The following DENND2B variants were observed in gnomAD, a reference collection of about 807,000 sequenced individuals.
The protein encoded by DENND2B is DENN domain-containing protein 2B.
Under a neutral mutation model 116.0 loss-of-function variants are expected in DENND2B, and 32 were observed. The observed-to-expected ratio is 0.28, with a 90% confidence interval of 0.21 to 0.37. The LOEUF (loss-of-function observed/expected upper bound fraction) is 0.37, where lower values mean the gene tolerates loss of function less well. Among genes scored for constraint, DENND2B ranks in the 10% least tolerant of loss-of-function variants. The probability of loss-of-function intolerance (pLI) is 1.00; values close to 1 mark genes in which losing one functional copy is unlikely to be tolerated. For missense variants in DENND2B, 1,276 were observed against 1,477.7 expected (o/e 0.86, Z 2.24); for synonymous variants, 588 against 583.9 (o/e 1.01, Z -0.10).
intron 2 of DENND2B, among the ~76,000 whole-genome samples, chr11:8,738,291 G>A (rs760482211): frequency 7.9e-5 from 12 of 152,292 alleles, no homozygotes; most frequent in Non-Finnish European, 1.5e-4. Context: ...TTTCTTGAGC[G>A]TCTCAGGACA....
chr11:8,751,793 T>G (rs1211150727), intron 1 of DENND2B, among the ~76,000 whole-genome samples: 1 of 152,214 alleles, frequency 6.6e-6, no homozygotes, highest in Non-Finnish European at 1.5e-5. Context: ...TTCCTTAAGT[T>G]AGAGTTTCCT....
intron 1 of DENND2B, among the ~76,000 whole-genome samples, chr11:8,797,180 A>C (rs2059889801): frequency 6.6e-6 from 1 of 152,232 alleles, no homozygotes; most frequent in South Asian, 2.1e-4. Context: ...CAACATCAAC[A>C]AATTAACTCA....
At chr11:8,789,536 T>C (rs923739408) in intron 1 of DENND2B, among the ~76,000 whole-genome samples, 1 of 152,212 alleles carries the variant, frequency 6.6e-6, no homozygotes, top group Non-Finnish European at 1.5e-5. Context: ...GCCTCTGATC[T>C]GCTGCATCAT....
upstream of DENND2B, among the ~76,000 whole-genome samples, chr11:8,814,457 C>T (rs1050948202): frequency 1.3e-5 from 2 of 152,086 alleles, no homozygotes; most frequent in Admixed American, 6.5e-5. Flanking sequence ...CATACAACTG[C>T]TTTTAGTTCC....
chr11:8,884,247 T>A (rs1327272586), intron 1 of DENND2B, among the ~76,000 whole-genome samples: 1 of 150,630 alleles, frequency 6.6e-6, no homozygotes, highest in Non-Finnish European at 1.5e-5. Flanking sequence ...ATGGGGTCAG[T>A]CCCTAAAAGG....
At position 8,707,075 on chromosome 11, in the gene DENND2B, A is replaced by G; in HGVS notation, c.2571+10T>C. 2 of 1,610,384 alleles carry G rather than the reference A, an allele frequency of 1.2e-6. No individual in the cohort carries two copies. Among genetic ancestry groups the G allele is most frequent in the Non-Finnish European group, 1.7e-6 (2 of 1,177,690 alleles). ...CGTAGCCCGAGAGAAGAGGGTGCAG[A>G]AATCCCTACCTCATTGCCAGCACCT... On this transcript the variant is annotated intron_variant, in intron 13 of 19. Coordinates refer to ENST00000313726, the MANE Select transcript of DENND2B (RefSeq NM_213618.2). This position sits in a 1 kb window ranked among gnomAD's most constrained non-coding sequence, Gnocchi z 4.8.
At position 8,712,123 on chromosome 11, in the gene DENND2B, C is replaced by T. The variant is rs749362256; in HGVS notation, c.2172+428G>A. 2.8e-5 allele frequency: 11 copies of T among 393,538 alleles called. No individual in the cohort carries two copies. Among genetic ancestry groups the T allele is most frequent in the East Asian group, 7.3e-5 (1 of 13,764 alleles). 24.4% of individuals were successfully genotyped at this position (393,538 alleles called of 1,614,324 possible). On this transcript the variant is annotated intron_variant, in intron 9 of 19. Transcript: ENST00000313726. The surrounding 1 kb of genome is among the most constrained non-coding windows in gnomAD (Gnocchi z 4.4). ...GCTGGCTGGCGACAAGCAGGGAAGG[C>T]GGAGTGAGAGACAGGCTGGTGGGAG...
At chr11:8,743,741 G>T (rs2134003588) in intron 2 of DENND2B, among the ~76,000 whole-genome samples, 1 of 151,710 alleles carries the variant, frequency 6.6e-6, no homozygotes, top group African/African-American at 2.4e-5. Flanking sequence ...GTGGAGAGGG[G>T]CTTATCTCTT....
intron 1 of DENND2B, among the ~76,000 whole-genome samples, chr11:8,791,336 A>T (rs2059357594): frequency 6.6e-6 from 1 of 152,242 alleles, no homozygotes; most frequent in Non-Finnish European, 1.5e-5. Flanking sequence ...CCAAACATTA[A>T]CAAAAGAAAT....
chr11:8,796,131 A>G (rs1164983525), intron 1 of DENND2B, among the ~76,000 whole-genome samples: 2 of 152,216 alleles, frequency 1.3e-5, no homozygotes, highest in Non-Finnish European at 2.9e-5. Context: ...GATTGGGCTG[A>G]CCACAGATCT....
intron 2 of DENND2B, among the ~76,000 whole-genome samples, chr11:8,749,408 T>G (rs1280980409): frequency 6.6e-6 from 1 of 152,224 alleles, no homozygotes; most frequent in African/African-American, 2.4e-5. Flanking sequence ...TGCAAGTGGA[T>G]AGTCAGTTTG....
intron 1 of DENND2B, among the ~76,000 whole-genome samples, chr11:8,760,374 T>C (rs899773275): frequency 4.6e-5 from 7 of 152,088 alleles, no homozygotes; most frequent in Non-Finnish European, 1.0e-4. Flanking sequence ...TCCCAGCACT[T>C]TGGGAGGCAG....
At chr11:8,804,547 C>CTTTTTTTTTTTTTTT (rs58169547) in intron 1 of DENND2B, among the ~76,000 whole-genome samples, 1 of 129,632 alleles carries the variant, frequency 7.7e-6, no homozygotes, top group African/African-American at 2.9e-5. Context: ...GCAGCTACTT[C>CTTTTTTTTTTTTTTT]TTTTTTTTTT....
At chr11:8,810,399 A>C (rs142374251) in intron 1 of DENND2B, 118 bp downstream of exon 1, 1 of 152,248 alleles carries the variant, frequency 6.6e-6, no homozygotes, top group Admixed American at 6.5e-5. Context: ...GCATGACATC[A>C]TTCCTGAGCC....
chr11:8,887,815 A>T (rs970425224), intron 1 of DENND2B, among the ~76,000 whole-genome samples: 7 of 152,186 alleles, frequency 4.6e-5, no homozygotes, highest in Non-Finnish European at 8.8e-5. Context: ...GGCACCTCAG[A>T]TAACAATTTG....
intron 4 of DENND2B, among the ~76,000 whole-genome samples, chr11:8,834,118 T>G (rs1478043951): frequency 6.6e-6 from 1 of 152,172 alleles, no homozygotes; most frequent in Non-Finnish European, 1.5e-5. Flanking sequence ...GGATGACACA[T>G]GCTGATCCCC....
intron 4 of DENND2B, among the ~76,000 whole-genome samples, chr11:8,819,923 A>G (rs2061700176): frequency 6.6e-6 from 1 of 152,270 alleles, no homozygotes; most frequent in Admixed American, 6.5e-5. Flanking sequence ...CTGTAGTTAC[A>G]CAAGATTAGG....
At chr11:8,897,412 C>A (rs2064116667) in intron 1 of DENND2B, among the ~76,000 whole-genome samples, 1 of 152,202 alleles carries the variant, frequency 6.6e-6, no homozygotes, top group African/African-American at 2.4e-5. Flanking sequence ...CCAGCTCCAA[C>A]ATAGTAGTTC....
chr11:8,897,169 A>C (rs980010224), intron 1 of DENND2B, among the ~76,000 whole-genome samples: 3 of 152,206 alleles, frequency 2.0e-5, no homozygotes, highest in Admixed American at 1.3e-4. Context: ...AGGCAGGAGA[A>C]TCACTTGAAC....
Sources: allele counts gnomAD v4.1 joint callset (sites outside exome capture counted in the v4.1 genomes callset), GRCh38; gene constraint gnomAD v4.1.1; non-coding constraint Gnocchi (gnomAD v3.1); transcripts MANE v1.5; gene names NCBI Gene and HGNC (gene_info 2026-07-23, HGNC 2026-07-21).